Variants in HEXB observed in about 807,000 individuals in gnomAD.
The protein encoded by HEXB is beta-hexosaminidase subunit beta.
HEXB carries 51 observed loss-of-function variants against 71.2 expected under a neutral mutation model. The observed-to-expected ratio is 0.72, with a 90% CI of 0.57 to 0.90. The LOEUF (loss-of-function observed/expected upper bound fraction) is 0.90. Ranked by LOEUF, HEXB falls within the 40% of genes least tolerant of loss-of-function variation. The probability of loss-of-function intolerance (pLI) is 0.00; values close to 1 mark genes in which losing one functional copy is unlikely to be tolerated. For missense variants in HEXB, 617 were observed against 677.0 expected (o/e 0.91, Z 0.98); for synonymous variants, 266 against 249.3 (o/e 1.07, Z -0.63).
At chr5:74,680,876 T>C (rs183646659), upstream of HEXB, among the ~76,000 whole-genome samples, 1 of 152,216 alleles carries the variant, frequency 6.6e-6, no homozygotes, top group South Asian at 2.1e-4. Flanking sequence ...TGGTGTTACA[T>C]GTTTAGAAAG....
chr5:74,693,843 C>G (rs936729717), intron 3 of HEXB, 139 bp downstream of exon 3: 40 of 729,010 alleles, frequency 5.5e-5, no homozygotes, highest in Non-Finnish European at 8.6e-5. Context: ...AAAATGATTT[C>G]CATTGAACAT....
intron 1 of HEXB, among the ~76,000 whole-genome samples, chr5:74,642,274 T>C (rs1245638973): frequency 6.6e-6 from 1 of 152,102 alleles, no homozygotes; most frequent in African/African-American, 2.4e-5. Context: ...ATATATTTTT[T>C]AATGCAGAGT....
intron 3 of HEXB, among the ~76,000 whole-genome samples, chr5:74,695,873 C>G (rs144028310): frequency 6.0e-5 from 9 of 151,048 alleles, no homozygotes; most frequent in African/African-American, 1.9e-4. Context: ...ACCACTCTTG[C>G]GAGTATGCAG....
At chr5:74,643,826 GCCTC>G (rs1384311866) in intron 1 of HEXB, among the ~76,000 whole-genome samples, 3 of 152,160 alleles carry the variant, frequency 2.0e-5, no homozygotes, top group Admixed American at 1.3e-4. Flanking sequence ...CTGCCATCCT[GCCTC>G]CGGTGGTCTC....
chr5:74,699,726 C>T (rs1749215503), intron 5 of HEXB, among the ~76,000 whole-genome samples: 1 of 152,000 alleles, frequency 6.6e-6, no homozygotes, highest in African/African-American at 2.4e-5. Context: ...AGGATAAATT[C>T]TTAGAAGTGA....
intron 8 of HEXB, among the ~76,000 whole-genome samples, chr5:74,716,100 A>G (rs1374891278): frequency 6.6e-6 from 1 of 151,860 alleles, no homozygotes; most frequent in Non-Finnish European, 1.5e-5. Context: ...CATAAGGAAG[A>G]CTTAAGAGTA....
intron 1 of HEXB, among the ~76,000 whole-genome samples, chr5:74,656,803 G>T (rs1479090962): frequency 6.6e-6 from 1 of 152,116 alleles, no homozygotes; most frequent in Non-Finnish European, 1.5e-5. Flanking sequence ...GTGGAGACGG[G>T]GTTTCACCAT....
At chr5:74,701,088 T>C (rs918482578) in intron 5 of HEXB, among the ~76,000 whole-genome samples, 1 of 151,698 alleles carries the variant, frequency 6.6e-6, no homozygotes, top group Non-Finnish European at 1.5e-5. Flanking sequence ...TTGCCACATT[T>C]CCCAGGTTGG....
At chr5:74,688,288 A>G (rs1748917652) in intron 1 of HEXB, among the ~76,000 whole-genome samples, 1 of 151,342 alleles carries the variant, frequency 6.6e-6, no homozygotes, top group Admixed American at 6.6e-5. Context: ...ATGCCTTTAC[A>G]GAATTTTTAT....
chr5:74,713,278 C>G (rs1663273154), intron 6 of HEXB, among the ~76,000 whole-genome samples: 1 of 152,114 alleles, frequency 6.6e-6, no homozygotes, highest in South Asian at 2.1e-4. Flanking sequence ...TGGCTATCAT[C>G]CTTTGAGTAT....
At chr5:74,701,214 A>G (rs906622191) in intron 5 of HEXB, among the ~76,000 whole-genome samples, 9 of 152,020 alleles carry the variant, frequency 5.9e-5, no homozygotes, top group Non-Finnish European at 1.0e-4. Flanking sequence ...GTATATTTCA[A>G]TGTTATCCTT....
chr5:74,706,846 G>A (rs1413822334), intron 6 of HEXB, among the ~76,000 whole-genome samples: 2 of 152,200 alleles, frequency 1.3e-5, no homozygotes, highest in East Asian at 1.9e-4. Flanking sequence ...GCCTGCCTCT[G>A]TAGGCTCCAC....
At chr5:74,684,984 G>A (rs1748821537), upstream of HEXB, among the ~76,000 whole-genome samples, 1 of 152,106 alleles carries the variant, frequency 6.6e-6, no homozygotes, top group Non-Finnish European at 1.5e-5. Flanking sequence ...GCCAGCACCG[G>A]GCATTTTTCT....
chr5:74,685,651 C>A lies in HEXB; in HGVS notation c.299+92C>A, dbSNP rs545913224. ...TGTGCAGACCCTCACCACCCCACTG[C>A]GCAGACGAGAAACCGCCTGGGAGCT... On this transcript the variant is annotated intron_variant, in intron 1 of 13. Transcript: ENST00000261416. The A allele has an allele frequency of 9.9e-6, 12 of 1,209,712 alleles. No individual in the cohort carries two copies. In the East Asian group the frequency reaches 2.9e-4, roughly 29 times the overall value. The allele number at this position is 1,209,712 out of a possible 1,614,324, so 74.9% of individuals were successfully genotyped here. A position where few individuals can be genotyped will look rare whatever the true frequency, so the allele number is the denominator to read the frequency against.
chr5:74,682,267 A>T (rs549070487), upstream of HEXB, among the ~76,000 whole-genome samples: 1 of 152,372 alleles, frequency 6.6e-6, no homozygotes, highest in African/African-American at 2.4e-5. Flanking sequence ...CTGAGGCAGG[A>T]GAATGGCGTG....
intron 3 of HEXB, among the ~76,000 whole-genome samples, chr5:74,695,358 C>A (rs1042650983): frequency 6.6e-6 from 1 of 150,616 alleles, no homozygotes; most frequent in Non-Finnish European, 1.5e-5. Context: ...CGCCTGCCAC[C>A]ACGCCTGGCT....
At chr5:74,709,880 C>T (rs1450901805) in intron 6 of HEXB, among the ~76,000 whole-genome samples, 2 of 152,044 alleles carry the variant, frequency 1.3e-5, no homozygotes, top group African/African-American at 2.4e-5. Flanking sequence ...TGGTACCATT[C>T]CTTCTGAAAC....
intron 1 of HEXB, among the ~76,000 whole-genome samples, chr5:74,675,354 G>C (rs1379342483): frequency 6.6e-6 from 1 of 152,120 alleles, no homozygotes; most frequent in African/African-American, 2.4e-5. Context: ...AGGGAGAATG[G>C]GGGCCAAAGT....
At chr5:74,664,067 C>T (rs1748385169) in intron 1 of HEXB, among the ~76,000 whole-genome samples, 1 of 152,036 alleles carries the variant, frequency 6.6e-6, no homozygotes, top group Non-Finnish European at 1.5e-5. Context: ...ACCAGGCTGA[C>T]TAACATGGTG....
Sources: gnomAD v4.1 joint callset for allele counts (sites outside exome capture counted in the v4.1 genomes callset) on GRCh38, gnomAD v4.1.1 for gene constraint, MANE v1.5 for transcripts, NCBI Gene and HGNC (gene_info 2026-07-23, HGNC 2026-07-21) for gene names.